The following ITPR3 variants were observed in gnomAD, a reference collection of about 807,000 sequenced individuals.
ITPR3 encodes inositol 1,4,5-trisphosphate receptor type 3.
ITPR3 carries 173 observed loss-of-function variants against 293.2 expected under a neutral mutation model. The observed-to-expected ratio is 0.59, with a 90% CI of 0.52 to 0.67. The LOEUF (loss-of-function observed/expected upper bound fraction) is 0.67. Ranked by LOEUF, ITPR3 falls within the 30% of genes least tolerant of loss-of-function variation. The pLI, the probability that ITPR3 is intolerant of heterozygous loss-of-function variation, is 0.00. For missense variants in ITPR3, 2,796 were observed against 3,592.1 expected, an observed-to-expected ratio of 0.78 and a Z score of 5.66; for synonymous variants, 1,295 against 1,444.4, an observed-to-expected ratio of 0.90 and a Z score of 2.35.
In ITPR3 at chr6:33,688,095, G is replaced by A; in HGVS notation, c.6303G>A (p.Lys2101=). Residue 2101 remains lysine (K), a synonymous_variant, in exon 47 of 58, where the codon AAG becomes AAA. Transcript: ENST00000605930. The part of the protein sequence containing the change: ...LNNKQLSQML[K]SSAPAQEEEE... ...ACAAGCAGCTGTCACAGATGCTCAA[G>A]TCCTCAGCGCCAGCACAGGAGGAGG... 1 of 1,614,130 alleles carries A rather than the reference G, an allele frequency of 6.2e-7. No individual in the cohort carries two copies. The highest frequency in any genetic ancestry group is 1.7e-5 in the Admixed American group (1 of 60,024).
chr6:33,671,413 C>T (rs1231667623), intron 21 of ITPR3, 107 bp downstream of exon 21: 12 of 763,428 alleles, frequency 1.6e-5, no homozygotes, highest in Non-Finnish European at 2.5e-5. Context: ...TCCCCCCACC[C>T]AACCTGGCTC....
intron 2 of ITPR3, among the ~76,000 whole-genome samples, chr6:33,650,484 C>T (rs1243954148): frequency 6.6e-6 from 1 of 152,318 alleles, no homozygotes; most frequent in African/African-American, 2.4e-5. Context: ...CCCGGGGATG[C>T]TTCAGGGCAG....
At chr6:33,662,453 T>C in intron 7 of ITPR3, 75 bp from the exon 8 acceptor site, 1 of 1,493,320 alleles carries the variant, frequency 6.7e-7, no homozygotes, top group Non-Finnish European at 8.9e-7. Context: ...CTGAGGCAGG[T>C]GGGGCTGGGC....
intron 1 of ITPR3, among the ~76,000 whole-genome samples, chr6:33,639,358 G>A (rs1287480935): frequency 4.3e-5 from 6 of 138,688 alleles, no homozygotes; most frequent in Non-Finnish European, 9.0e-5. Flanking sequence ...CAGTCTGGTC[G>A]ACAGAGTGAA....
At chr6:33,627,060 G>A (rs1763564588) in intron 1 of ITPR3, among the ~76,000 whole-genome samples, 2 of 151,792 alleles carry the variant, frequency 1.3e-5, no homozygotes, top group African/African-American at 2.4e-5. Context: ...TGCCTGCCTC[G>A]GCTTCCCAAA....
chr6:33,680,231 T>G, intron 31 of ITPR3, 98 bp downstream of exon 31: 1 of 1,574,168 alleles, frequency 6.4e-7, no homozygotes, highest in Non-Finnish European at 8.6e-7. Flanking sequence ...GCCAGGGAAG[T>G]GGGCAGGAAC....
chr6:33,648,005 A>G (rs1232389087), intron 2 of ITPR3, among the ~76,000 whole-genome samples: 1 of 151,354 alleles, frequency 6.6e-6, no homozygotes, highest in Non-Finnish European at 1.5e-5. Context: ...AACTCTTTTC[A>G]TGGTTTCTTC....
At position 33,687,480 on chromosome 6, in the gene ITPR3, C is replaced by A. The variant is rs962176191; in HGVS notation, c.6180C>A (p.Leu2060=). 1 of 1,610,964 alleles carries A rather than the reference C, an allele frequency of 6.2e-7. No individual in the cohort carries two copies. The highest frequency in any genetic ancestry group is 8.5e-7 in the Non-Finnish European group (1 of 1,179,278). ...GHNIYILALQ[L]SRHNKQLQHL... is the part of the protein sequence containing the mutation. ...GACTGTGCTGCCATTTCCCTCAGCT[C>A]TCCAGGCACAATAAACAGCTGCAGC... Residue 2060 remains leucine, a splice_region_variant and synonymous_variant, in exon 46 of 58, where the codon CTC becomes CTA. Transcript: ENST00000605930. This position sits in a 1 kb window ranked among gnomAD's most constrained non-coding sequence, Gnocchi z 5.3.
Position 33,688,051 on chromosome 6 carries a change from C to T in ITPR3, c.6265-6C>T, listed in dbSNP as rs1390590528. On this transcript the variant is annotated splice_region_variant and splice_polypyrimidine_tract_variant and intron_variant, in intron 46 of 57. Coordinates refer to ENST00000605930, the MANE Select transcript of ITPR3 (RefSeq NM_002224.4). ...GGCCTGACCTCCGCGCCCTCCCCAC[C>T]TCCAGCTCAGCCTCAACAACAAGCA... The T allele has an allele frequency of 6.2e-7, 1 of 1,612,128 alleles. No individual in the cohort carries two copies. The highest frequency in any genetic ancestry group is 8.5e-7 in the Non-Finnish European group (1 of 1,178,792).
Position 33,655,862 on chromosome 6 carries a change from A to G in ITPR3, c.257A>G (p.Asp86Gly), listed in dbSNP as rs1311771901. Residue 86 changes from aspartate (D) to glycine (G), a missense_variant, in exon 3 of 58, where the codon GAT (aspartate) becomes GGT (glycine). By Grantham distance (94) the Asp-to-Gly change is moderately conservative. Transcript: ENST00000605930. The surrounding 1 kb of genome is among the most constrained non-coding windows in gnomAD (Gnocchi z 4.9). ...QTKQDKEKIA[D>G]VVLLQKLQHA... is the part of the protein sequence containing the mutation. Reference sequence around the variant, plus strand: ...AAGCAGGACAAGGAGAAGATCGCTGATGTGGTGTTGCTGCAGAAGCTGCAG... The same window carrying G: ...AAGCAGGACAAGGAGAAGATCGCTGGTGTGGTGTTGCTGCAGAAGCTGCAG... 6.2e-7 allele frequency: 1 copy of G among 1,614,032 alleles called. No individual in the cohort carries two copies. Among genetic ancestry groups the G allele is most frequent in the Non-Finnish European group, 8.5e-7 (1 of 1,179,984 alleles).
intron 23 of ITPR3, among the ~76,000 whole-genome samples, chr6:33,673,978 G>A (rs1478693690): frequency 2.0e-5 from 3 of 152,192 alleles, no homozygotes; most frequent in Non-Finnish European, 4.4e-5. Context: ...GAGCCAGACC[G>A]GGATCTGGTC....
chr6:33,629,411 C>T (rs949661539), intron 1 of ITPR3, among the ~76,000 whole-genome samples: 1 of 151,636 alleles, frequency 6.6e-6, no homozygotes, highest in Admixed American at 6.6e-5. Flanking sequence ...ATCCTCCTGT[C>T]TTGGCCTCCC....
In ITPR3 at chr6:33,693,422, G is replaced by T. The variant is rs1013172590; in HGVS notation, c.7625-123G>T. ...TGACCCAAATAGCCCAGAGCGAGCT[G>T]TTGGAAGCGCTCATCCCGAGAACAA... On this transcript the variant is annotated intron_variant, in intron 55 of 57. Transcript: ENST00000605930. The T allele has an allele frequency of 3.2e-6, 3 of 948,610 alleles. No homozygotes were observed. In the African/African-American group the frequency reaches 4.9e-5, roughly 16 times the overall value. The allele number at this position is 948,610 out of a possible 1,614,324, so 58.8% of individuals were successfully genotyped here. A position where few individuals can be genotyped will look rare whatever the true frequency, so the allele number is the denominator to read the frequency against.
Position 33,658,565 on chromosome 6 carries a change from G to GT in ITPR3, c.370-105_370-104insT. 3 of 1,331,088 alleles carry GT rather than the reference G, an allele frequency of 2.3e-6. No homozygotes were observed. In the South Asian group the frequency reaches 4.1e-5, roughly 18 times the overall value. 82.5% of individuals were successfully genotyped at this position (1,331,088 alleles called of 1,614,324 possible). On this transcript the variant is annotated intron_variant, in intron 4 of 57. Coordinates refer to ENST00000605930, the MANE Select transcript of ITPR3 (RefSeq NM_002224.4). The surrounding 1 kb of genome is among the most constrained non-coding windows in gnomAD (Gnocchi z 6.1). ...GTGACAGGTGTCTGACACTATGTGT[G>GT]CAGCCAGAATGTGACCAAGGGTCTA...
chr6:33,694,799 C>A, intron 56 of ITPR3, 125 bp from the exon 57 acceptor site: 1 of 1,226,090 alleles, frequency 8.2e-7, no homozygotes, highest in Non-Finnish European at 1.2e-6. Context: ...TTTCCCATGA[C>A]ACATCCCTGA....
chr6:33,691,495 G>A lies in ITPR3; in HGVS notation c.7226-120G>A. The A allele has an allele frequency of 1.2e-6, 1 of 803,078 alleles. No homozygotes were observed. Among genetic ancestry groups the A allele is most frequent in the Non-Finnish European group, 2.0e-6 (1 of 490,070 alleles). 49.7% of individuals were successfully genotyped at this position (803,078 alleles called of 1,614,324 possible). On this transcript the variant is annotated intron_variant, in intron 52 of 57. Transcript: ENST00000605930. The surrounding 1 kb of genome is among the most constrained non-coding windows in gnomAD (Gnocchi z 4.9). ...GATGACCCTTCACTGTGGCTGGACA[G>A]TGGAGGGCTGGCGATCCAGGACCAG...
chr6:33,690,550 TAAC>T (rs1230830075), intron 51 of ITPR3, among the ~76,000 whole-genome samples: 1 of 152,182 alleles, frequency 6.6e-6, no homozygotes, highest in Non-Finnish European at 1.5e-5. Context: ...AAAATGGGGA[TAAC>T]AACAGCCCCT....
chr6:33,695,600 G>T, intron 57 of ITPR3, 112 bp from the exon 58 acceptor site: 1 of 1,074,786 alleles, frequency 9.3e-7, no homozygotes, highest in South Asian at 1.3e-5. Flanking sequence ...CGCCAGTGCC[G>T]AATAGCAGCT....
Position 33,683,473 on chromosome 6 carries a change from A to G in ITPR3, c.4788+76A>G. 8.2e-7 allele frequency: 1 copy of G among 1,216,290 alleles called. No homozygotes were observed. Among genetic ancestry groups the G allele is most frequent in the Non-Finnish European group, 1.1e-6 (1 of 898,022 alleles). 75.3% of individuals were successfully genotyped at this position (1,216,290 alleles called of 1,614,324 possible). Reference sequence around the variant, plus strand: ...AGCAGCTCCCCTACTTTGGAGGGGCAAGTTCTCGGGGAGTGTTTCTTCCTG... The same window carrying G: ...AGCAGCTCCCCTACTTTGGAGGGGCGAGTTCTCGGGGAGTGTTTCTTCCTG... On this transcript the variant is annotated intron_variant, in intron 35 of 57. Transcript: ENST00000605930. This position sits in a 1 kb window ranked among gnomAD's most constrained non-coding sequence, Gnocchi z 4.5.
Sources: allele counts gnomAD v4.1 joint callset (sites outside exome capture counted in the v4.1 genomes callset), GRCh38; gene constraint gnomAD v4.1.1; non-coding constraint Gnocchi (gnomAD v3.1); transcripts MANE v1.5; gene names NCBI Gene and HGNC (gene_info 2026-07-23, HGNC 2026-07-21).